MAP3K5: variants seen among roughly 807,000 people sequenced by gnomAD.
MAP3K5 encodes the protein mitogen-activated protein kinase kinase kinase 5, also known as ASK-1.
Under a neutral mutation model 158.7 loss-of-function variants are expected in MAP3K5, and 56 were observed. The ratio of observed to expected loss-of-function variants is 0.35; its 90% confidence interval spans 0.28 to 0.44. The LOEUF (loss-of-function observed/expected upper bound fraction) is 0.44. MAP3K5 is among the 20% of genes least tolerant of loss of function. The pLI is 1.00. For synonymous variants in MAP3K5, 579 were observed against 601.7 expected (o/e 0.96, Z 0.55); for missense variants, 1,294 against 1,674.8 (o/e 0.77, Z 3.97).
chr6:136,571,038 C>T (rs563706190), intron 25 of MAP3K5, among the ~76,000 whole-genome samples: 27 of 152,110 alleles, frequency 1.8e-4, no homozygotes, highest in Non-Finnish European at 3.7e-4. Context: ...CCCATTTTAC[C>T]CACTCTCTCT....
intron 1 of MAP3K5, among the ~76,000 whole-genome samples, chr6:136,791,272 C>G (rs563115514): frequency 6.6e-6 from 1 of 152,264 alleles, no homozygotes; most frequent in East Asian, 1.9e-4. Flanking sequence ...CATGGTATGT[C>G]ATCGTTCCCG....
chr6:136,633,048 T>C (rs1483151127), intron 14 of MAP3K5, among the ~76,000 whole-genome samples: 1 of 152,108 alleles, frequency 6.6e-6, no homozygotes, highest in Admixed American at 6.5e-5. Context: ...CTTGTACAAT[T>C]TATACCAATC....
At chr6:136,744,369 A>G (rs1011536707) in intron 1 of MAP3K5, among the ~76,000 whole-genome samples, 3 of 147,544 alleles carry the variant, frequency 2.0e-5, no homozygotes, top group Non-Finnish European at 4.4e-5. Flanking sequence ...GTGTGTGTAC[A>G]TACATATATA....
intron 24 of MAP3K5, among the ~76,000 whole-genome samples, chr6:136,581,624 C>G (rs984188856): frequency 2.0e-5 from 3 of 152,210 alleles, no homozygotes; most frequent in Non-Finnish European, 4.4e-5. Context: ...GTTGCTCATG[C>G]CTGTCCTTGG....
chr6:136,632,237 T>A (rs1340314189), intron 14 of MAP3K5, among the ~76,000 whole-genome samples: 3 of 152,116 alleles, frequency 2.0e-5, no homozygotes, highest in African/African-American at 7.2e-5. Flanking sequence ...AAAAGGAGCA[T>A]CAGCTGGGCA....
chr6:136,769,553 G>C (rs1039982268), intron 1 of MAP3K5, among the ~76,000 whole-genome samples: 2 of 151,194 alleles, frequency 1.3e-5, no homozygotes, highest in African/African-American at 2.4e-5. Flanking sequence ...ATAGAAGAGA[G>C]AAGTATACAG....
At chr6:136,621,223 C>A (rs1056222642) in intron 15 of MAP3K5, among the ~76,000 whole-genome samples, 1 of 152,060 alleles carries the variant, frequency 6.6e-6, no homozygotes, top group African/African-American at 2.4e-5. Context: ...TACTAATAAG[C>A]CATCAAAGCC....
At chr6:136,708,493 C>T (rs1039035806) in intron 2 of MAP3K5, among the ~76,000 whole-genome samples, 4 of 152,026 alleles carry the variant, frequency 2.6e-5, no homozygotes, top group Admixed American at 2.6e-4. Flanking sequence ...TGGGCTCAAG[C>T]AATCCGCCTG....
chr6:136,630,654 T>G (rs962153561), intron 14 of MAP3K5, among the ~76,000 whole-genome samples: 7 of 152,238 alleles, frequency 4.6e-5, no homozygotes, highest in Admixed American at 4.6e-4. Context: ...AGATGTTGCA[T>G]AAACAAAACC....
rs1004051835 is a variant in MAP3K5 at position 136,587,875 on chromosome 6, C to T, written c.3226-4135G>A. ...AATGCACTTTAAAACCAGGAGGCAC[C>T]AAACAATTGAATATGACTAACCACT... On this transcript the variant is annotated intron_variant, in intron 23 of 29. Transcript: ENST00000359015. Among the ~76,000 whole-genome samples the T allele has an allele frequency of 9.2e-5, 14 of 152,082 alleles. No homozygotes were observed. In the South Asian group the frequency reaches 2.1e-3, roughly 23 times the overall value.
intron 1 of MAP3K5, among the ~76,000 whole-genome samples, chr6:136,728,191 A>T (rs1159134864): frequency 6.6e-6 from 1 of 152,182 alleles, no homozygotes; most frequent in Admixed American, 6.5e-5. Context: ...TGGTCATCGA[A>T]TGGCAGTGGC....
chr6:136,623,256 C>A (rs968556425), intron 14 of MAP3K5, among the ~76,000 whole-genome samples: 11 of 152,178 alleles, frequency 7.2e-5, no homozygotes, highest in African/African-American at 2.7e-4. Context: ...TTCTTTTACC[C>A]ACTCAGTCCT....
chr6:136,557,695 C>A lies in MAP3K5; in HGVS notation c.*63G>T. The A allele has an allele frequency of 2.5e-6, 3 of 1,215,584 alleles. No homozygotes were observed. Among genetic ancestry groups the A allele is most frequent in the East Asian group, 2.3e-5 (1 of 42,812 alleles). The allele number at this position is 1,215,584 out of a possible 1,614,324, so 75.3% of individuals were successfully genotyped here. ...CTCCTCTCCCTTCGATTTTCCCACC[C>A]CCAAGAAGATCAGCTCTGTATTAAT... On this transcript the variant is annotated 3_prime_UTR_variant, in exon 30 of 30. Coordinates refer to ENST00000359015, the MANE Select transcript of MAP3K5 (RefSeq NM_005923.4).
At chr6:136,699,646 A>G (rs1224286288) in intron 3 of MAP3K5, among the ~76,000 whole-genome samples, 2 of 152,208 alleles carry the variant, frequency 1.3e-5, no homozygotes, top group Non-Finnish European at 2.9e-5. Flanking sequence ...ACAAAAGCAG[A>G]GCAGGGATGA....
At chr6:136,735,889 A>T (rs1303663780) in intron 1 of MAP3K5, among the ~76,000 whole-genome samples, 1 of 152,222 alleles carries the variant, frequency 6.6e-6, no homozygotes, top group African/African-American at 2.4e-5. Context: ...AAAGAATGCT[A>T]ATGTCTGGCA....
At chr6:136,570,726 AAC>A (rs1774325203) in intron 25 of MAP3K5, among the ~76,000 whole-genome samples, 2 of 152,184 alleles carry the variant, frequency 1.3e-5, no homozygotes, top group Admixed American at 1.3e-4. Flanking sequence ...TAAGTATACT[AAC>A]AGTGTTATGC....
At chr6:136,756,374 G>A (rs1174017287) in intron 1 of MAP3K5, among the ~76,000 whole-genome samples, 1 of 152,182 alleles carries the variant, frequency 6.6e-6, no homozygotes, top group Non-Finnish European at 1.5e-5. Context: ...ATACAGCTAA[G>A]TCAGAGTGCA....
chr6:136,611,813 G>T (rs1776357363), intron 17 of MAP3K5, among the ~76,000 whole-genome samples: 1 of 152,232 alleles, frequency 6.6e-6, no homozygotes, highest in Admixed American at 6.5e-5. Flanking sequence ...TTAGGAGGAT[G>T]AGAGGGGCCT....
At chr6:136,732,307 C>A (rs1227790331) in intron 1 of MAP3K5, among the ~76,000 whole-genome samples, 6 of 152,128 alleles carry the variant, frequency 3.9e-5, no homozygotes, top group Non-Finnish European at 1.5e-5. Flanking sequence ...CGCTTGTAGT[C>A]CCAGCCACTA....
Sources: gnomAD v4.1 joint callset for allele counts (sites outside exome capture counted in the v4.1 genomes callset) on GRCh38, gnomAD v4.1.1 for gene constraint, MANE v1.5 for transcripts, NCBI Gene and HGNC (gene_info 2026-07-23, HGNC 2026-07-21) for gene names.